The following TCF4 variants were observed in gnomAD, a reference collection of about 807,000 sequenced individuals.
The protein encoded by TCF4 is SL3-3 enhancer factor 2.
In TCF4, 3 loss-of-function variants were observed where a neutral mutation model predicts 82.1. The ratio of observed to expected loss-of-function variants is 0.04; its 90% confidence interval spans 0.02 to 0.09. The LOEUF (loss-of-function observed/expected upper bound fraction) is 0.09. Ranked by LOEUF, TCF4 falls within the 10% of genes least tolerant of loss-of-function variation. The probability of loss-of-function intolerance (pLI) is 1.00; values close to 1 mark genes in which losing one functional copy is unlikely to be tolerated. For missense variants in TCF4, 518 were observed against 852.7 expected (o/e 0.61, Z 4.89); for synonymous variants, 276 against 309.6 (o/e 0.89, Z 1.14).
At chr18:55,399,919 C>A (rs1039571170) in intron 6 of TCF4, among the ~76,000 whole-genome samples, 80 of 145,486 alleles carry the variant, frequency 5.5e-4, no homozygotes, top group African/African-American at 2.1e-3. Flanking sequence ...CACACACACA[C>A]ACACACAATA....
At chr18:55,569,901 A>T (rs2097445768) in intron 3 of TCF4, among the ~76,000 whole-genome samples, 1 of 152,218 alleles carries the variant, frequency 6.6e-6, no homozygotes, top group Admixed American at 6.5e-5. Flanking sequence ...TGACAAGCTG[A>T]ATTTTAAATT....
In TCF4 at chr18:55,298,945, G is replaced by T. The variant is rs182669269; in HGVS notation, c.550-19289C>A. On this transcript the variant is annotated intron_variant, in intron 8 of 19. Coordinates refer to ENST00000354452, the MANE Select transcript of TCF4 (RefSeq NM_001083962.2). Reference sequence around the variant, plus strand: ...TACGGCCAATTTTCTCTCTAGAGTCGATCAGACAGACATTTCCCTACAATT... The same window carrying T: ...TACGGCCAATTTTCTCTCTAGAGTCTATCAGACAGACATTTCCCTACAATT... Among the ~76,000 whole-genome samples the T allele has an allele frequency of 7.9e-5, 12 of 152,152 alleles. No individual in the cohort carries two copies. In the East Asian group the frequency reaches 2.1e-3, roughly 27 times the overall value.
chr18:55,538,088 GAA>G (rs1568346842), intron 3 of TCF4, among the ~76,000 whole-genome samples: 1 of 151,116 alleles, frequency 6.6e-6, no homozygotes, highest in African/African-American at 2.4e-5. Context: ...CAAATCAAGA[GAA>G]AAAGGGCAAA....
intron 3 of TCF4, among the ~76,000 whole-genome samples, chr18:55,500,963 T>C (rs1456493137): frequency 6.6e-6 from 1 of 152,202 alleles, no homozygotes; most frequent in Non-Finnish European, 1.5e-5. Context: ...AAATTCTGAC[T>C]CACTCTGATA....
chr18:55,412,201 A>G (rs1319502073), intron 5 of TCF4, among the ~76,000 whole-genome samples: 1 of 152,048 alleles, frequency 6.6e-6, no homozygotes, highest in Non-Finnish European at 1.5e-5. Context: ...TACTACTAGC[A>G]CTCACCTATT....
At chr18:55,253,344 T>C (rs1408520906) in intron 15 of TCF4, among the ~76,000 whole-genome samples, 1 of 152,160 alleles carries the variant, frequency 6.6e-6, no homozygotes, top group Non-Finnish European at 1.5e-5. Context: ...ATGGAAAATA[T>C]ACCTTCATCC....
intron 8 of TCF4, among the ~76,000 whole-genome samples, chr18:55,315,223 C>T (rs1395937388): frequency 6.6e-6 from 1 of 152,050 alleles, no homozygotes; most frequent in African/African-American, 2.4e-5. Flanking sequence ...ACTCTTTAGC[C>T]CCCCTTTTTT....
At chr18:55,604,246 G>A (rs1019561357) in intron 2 of TCF4, among the ~76,000 whole-genome samples, 6 of 151,860 alleles carry the variant, frequency 4.0e-5, no homozygotes, top group Admixed American at 2.0e-4. Flanking sequence ...AAAAAAAGCC[G>A]ATTCTTCCCT....
rs796348435 is a variant in TCF4 at position 55,338,013 on chromosome 18, T to TA, written c.549+12345dup. On this transcript the variant is annotated intron_variant, in intron 8 of 19. Transcript: ENST00000354452. The stretch of plus-strand genomic sequence containing the variant: ...TAGGGCACTGAACTCTCACCCATGT[T>TA]AAAAAAAAAAATCACCATCAGTCTC... Among the ~76,000 whole-genome samples the TA allele has an allele frequency of 4.7e-4, 70 of 147,414 alleles. No homozygotes were observed. The South Asian group carries it at 4.8e-3, about 10-fold the overall frequency.
At chr18:55,621,503 TTA>T (rs369264427) in intron 2 of TCF4, among the ~76,000 whole-genome samples, 46 of 370 alleles carry the variant, frequency 0.12, 16 homozygotes, top group Admixed American at 0.29. Context: ...ATAATGTACA[TTA>T]TATATATATT....
intron 18 of TCF4, 61 bp downstream of exon 18, chr18:55,228,786 C>T (rs2047059140): frequency 2.5e-6 from 4 of 1,579,340 alleles, no homozygotes; most frequent in Admixed American, 1.7e-5. Context: ...GCGTGCCCAT[C>T]TCAGCTTGTG....
At chr18:55,575,876 C>A (rs922828330) in intron 3 of TCF4, among the ~76,000 whole-genome samples, 2 of 152,152 alleles carry the variant, frequency 1.3e-5, no homozygotes, top group African/African-American at 4.8e-5. Flanking sequence ...TTAGTTTTTG[C>A]TAAGATCACG....
intron 8 of TCF4, among the ~76,000 whole-genome samples, chr18:55,341,712 CAA>C (rs954222261): frequency 6.7e-6 from 1 of 150,260 alleles, no homozygotes; most frequent in African/African-American, 2.4e-5. Flanking sequence ...TTCTATAGGA[CAA>C]AAAAAAATGT....
At chr18:55,396,090 G>A (rs981653221) in intron 6 of TCF4, among the ~76,000 whole-genome samples, 3 of 152,084 alleles carry the variant, frequency 2.0e-5, no homozygotes, top group Non-Finnish European at 4.4e-5. Context: ...CAGTGGGCCT[G>A]GAATCGACCA....
chr18:55,369,298 C>G (rs2088208497), intron 6 of TCF4, among the ~76,000 whole-genome samples: 1 of 152,144 alleles, frequency 6.6e-6, no homozygotes, highest in Non-Finnish European at 1.5e-5. Context: ...TCTACTGATT[C>G]CTTTAAGATT....
chr18:55,492,841 C>G (rs2096590130), intron 3 of TCF4, among the ~76,000 whole-genome samples: 1 of 152,190 alleles, frequency 6.6e-6, no homozygotes, highest in South Asian at 2.1e-4. Context: ...GGCTAAAGCC[C>G]AAAGTCAGGT....
chr18:55,468,481 T>C (rs1179340713), intron 3 of TCF4, among the ~76,000 whole-genome samples: 2 of 152,158 alleles, frequency 1.3e-5, no homozygotes, highest in Non-Finnish European at 2.9e-5. Context: ...GTATCAACAG[T>C]AGGCACAATG....
At chr18:55,598,665 T>TATGGCC (rs1304233438) in intron 2 of TCF4, among the ~76,000 whole-genome samples, 4 of 152,246 alleles carry the variant, frequency 2.6e-5, no homozygotes, top group Non-Finnish European at 5.9e-5. Context: ...GGGCTGTGGC[T>TATGGCC]ATGGCCATGA....
intron 17 of TCF4, 104 bp downstream of exon 17, chr18:55,232,405 A>C: frequency 7.2e-7 from 1 of 1,381,384 alleles, no homozygotes; most frequent in Non-Finnish European, 1.0e-6. Context: ...TTCAGCTGTA[A>C]ATTTACCTGC....
Sources: gnomAD v4.1 joint callset for allele counts (sites outside exome capture counted in the v4.1 genomes callset) on GRCh38, gnomAD v4.1.1 for gene constraint, MANE v1.5 for transcripts, NCBI Gene and HGNC (gene_info 2026-07-23, HGNC 2026-07-21) for gene names.